The following SLC38A12 variants were observed in gnomAD, a reference collection of about 807,000 sequenced individuals.
SLC38A12 encodes solute carrier family 38 member 12.
At chr17:74,788,873 G>T in the SLC38A12 span, 3 of 1,612,592 alleles carry the variant, frequency 1.9e-6, no homozygotes, top group African/African-American at 2.7e-5. Flanking sequence ...ACCTCAAGGT[G>T]TGTGTGTTGC....
the SLC38A12 span, among the ~76,000 whole-genome samples, chr17:74,831,407 C>T: frequency 1.8e-4 from 27 of 152,312 alleles, 1 homozygote; most frequent in East Asian, 5.2e-3. Flanking sequence ...CAGTTGGGCC[C>T]ATGGGTGACA....
chr17:74,832,475 G>C, the SLC38A12 span, among the ~76,000 whole-genome samples: 28 of 152,228 alleles, frequency 1.8e-4, no homozygotes, highest in African/African-American at 6.3e-4. Context: ...CCTCACCCCT[G>C]TTTTGGGGGC....
the SLC38A12 span, chr17:74,838,820 C>T: frequency 6.6e-6 from 10 of 1,518,638 alleles, no homozygotes; most frequent in Admixed American, 2.0e-5. Flanking sequence ...GCATCCGGCA[C>T]GTTTCACTGC....
At chr17:74,787,228 T>A in the SLC38A12 span, among the ~76,000 whole-genome samples, 1 of 152,150 alleles carries the variant, frequency 6.6e-6, no homozygotes. Flanking sequence ...CTCTGCCTCC[T>A]GCCACCTGAC....
chr17:74,801,808 T>C, the SLC38A12 span, among the ~76,000 whole-genome samples: 5 of 152,184 alleles, frequency 3.3e-5, no homozygotes, highest in Non-Finnish European at 7.4e-5. Context: ...GCTTGCTTTT[T>C]TTCCCTAGGA....
the SLC38A12 span, chr17:74,790,217 C>T: frequency 6.2e-7 from 1 of 1,614,134 alleles, no homozygotes; most frequent in Non-Finnish European, 8.5e-7. Flanking sequence ...AAGATGACGA[C>T]TCCTCCACAG....
At chr17:74,829,336 C>G in the SLC38A12 span, among the ~76,000 whole-genome samples, 1 of 152,206 alleles carries the variant, frequency 6.6e-6, no homozygotes. This position sits in a 1 kb window ranked among gnomAD's most constrained non-coding sequence, Gnocchi z 4.1. Flanking sequence ...TTTGGCCAGG[C>G]TGGTCTCAAA....
At chr17:74,804,856 G>A in the SLC38A12 span, among the ~76,000 whole-genome samples, 18 of 152,254 alleles carry the variant, frequency 1.2e-4, no homozygotes, top group Non-Finnish European at 5.9e-5. Context: ...ACTGCAGGGA[G>A]GCTGTGCTTC....
the SLC38A12 span, among the ~76,000 whole-genome samples, chr17:74,816,174 C>T: frequency 1.1e-4 from 17 of 152,192 alleles, no homozygotes; most frequent in African/African-American, 4.8e-5. Context: ...TTAATGCATG[C>T]GTAGGACTGG....
chr17:74,791,105 T>C, the SLC38A12 span: 1 of 1,382,078 alleles, frequency 7.2e-7, no homozygotes, highest in Non-Finnish European at 1.0e-6. Flanking sequence ...GCCTGCACCC[T>C]TGTAATGAGG....
At chr17:74,799,013 G>A in the SLC38A12 span, among the ~76,000 whole-genome samples, 1 of 97,452 alleles carries the variant, frequency 1.0e-5, no homozygotes, top group East Asian at 3.0e-4. Context: ...TGTCTGGGAT[G>A]CAGGCGTGTG....
chr17:74,825,470 C>T, the SLC38A12 span, among the ~76,000 whole-genome samples: 1 of 152,242 alleles, frequency 6.6e-6, no homozygotes, highest in Admixed American at 6.5e-5. Flanking sequence ...AGGTAATGAA[C>T]GCTTGCTGGC....
the SLC38A12 span, among the ~76,000 whole-genome samples, chr17:74,824,462 G>T: frequency 6.6e-6 from 1 of 152,302 alleles, no homozygotes; most frequent in Non-Finnish European, 1.5e-5. Context: ...CTGCCCCGCC[G>T]CAGGGAGCTC....
At chr17:74,830,321 T>C in the SLC38A12 span, among the ~76,000 whole-genome samples, 1 of 152,180 alleles carries the variant, frequency 6.6e-6, no homozygotes, top group African/African-American at 2.4e-5. Flanking sequence ...TTCATCCCCT[T>C]ATAAACCAGC....
the SLC38A12 span, among the ~76,000 whole-genome samples, chr17:74,831,232 T>A: frequency 6.6e-6 from 1 of 152,130 alleles, no homozygotes; most frequent in Non-Finnish European, 1.5e-5. Context: ...GTTCTTTGGT[T>A]ATAATTTGTC....
At chr17:74,790,359 T>C in the SLC38A12 span, 7 of 1,440,014 alleles carry the variant, frequency 4.9e-6, no homozygotes, top group African/African-American at 1.4e-5. Context: ...CCTTTCTTCA[T>C]GGAGAGGGCC....
At chr17:74,836,781 A>T in the SLC38A12 span, 1 of 1,487,852 alleles carries the variant, frequency 6.7e-7, no homozygotes, top group Non-Finnish European at 8.9e-7. The surrounding 1 kb of genome is among the most constrained non-coding windows in gnomAD (Gnocchi z 4.2). Flanking sequence ...CCAGGTCTTC[A>T]TGGGGCAGGT....
At chr17:74,779,903 T>G in the SLC38A12 span, among the ~76,000 whole-genome samples, 2 of 152,248 alleles carry the variant, frequency 1.3e-5, no homozygotes, top group Non-Finnish European at 2.9e-5. Flanking sequence ...ACCTCCTAGG[T>G]GGCTCAGATG....
At chr17:74,795,083 G>A in the SLC38A12 span, 26 of 1,613,916 alleles carry the variant, frequency 1.6e-5, no homozygotes, top group African/African-American at 2.7e-5. Flanking sequence ...TGCTGCTGCC[G>A]TGCCCTTCTC....
Sources: gnomAD v4.1 joint callset for allele counts (sites outside exome capture counted in the v4.1 genomes callset) on GRCh38, gnomAD v4.1.1 for gene constraint, Gnocchi (gnomAD v3.1) non-coding constraint, MANE v1.5 for transcripts, NCBI Gene and HGNC (gene_info 2026-07-23, HGNC 2026-07-21) for gene names.